The following PCDH11X variants were observed in gnomAD, a reference collection of about 807,000 sequenced individuals.
PCDH11X encodes the protein protocadherin-11 X-linked.
A neutral mutation model predicts 53.3 loss-of-function variants in PCDH11X; 18 were observed. The ratio of observed to expected loss-of-function variants is 0.34; its 90% CI spans 0.23 to 0.50. The LOEUF is 0.50. PCDH11X is among the 20% of genes least tolerant of loss of function. The pLI, the probability that PCDH11X is intolerant of heterozygous loss-of-function variation, is 0.98. For missense variants in PCDH11X, 570 were observed against 1,032.4 expected (o/e 0.55, Z 6.14); for synonymous variants, 279 against 393.3 (o/e 0.71, Z 3.44).
At chrX:91,814,144 G>A (rs972822137) in intron 4 of PCDH11X, among the ~76,000 whole-genome samples, 1 of 109,257 alleles carries the variant, frequency 9.2e-6, no homozygotes, top group Non-Finnish European at 1.9e-5. Flanking sequence ...TATATTGCAC[G>A]TATCCAATTA....
Position 92,618,911 on chromosome X carries a change from T to C in PCDH11X, c.4015T>C (p.Ser1339Pro). 5.0e-6 allele frequency: 6 copies of C among 1,211,878 alleles called. No individual in the cohort carries two copies. The highest frequency in any genetic ancestry group is 6.7e-6 in the Non-Finnish European group (6 of 895,480). The change falls in exon 11 of 11, where the codon TCC (serine) becomes CCC (proline). Residue 1339 changes from serine to proline, a missense_variant. Coordinates refer to ENST00000682573, the MANE Select transcript of PCDH11X (RefSeq NM_032968.5). ...RQQARPSRGDSPIMEEHPL is the reference protein window; with the variant it reads ...RQQARPSRGDPPIMEEHPL ...ACAGGCCAGACCGTCCAGAGGTGAT[T>C]CCCCCATTATGGAAGAACATCCCTT...
At chrX:92,277,043 G>A (rs986521352) in intron 8 of PCDH11X, among the ~76,000 whole-genome samples, 5 of 111,001 alleles carry the variant, frequency 4.5e-5, no homozygotes, top group East Asian at 5.7e-4. Context: ...AGGAGGGGAG[G>A]CGATAAAGAG....
intron 6 of PCDH11X, among the ~76,000 whole-genome samples, chrX:92,053,753 T>A (rs2063400366): frequency 9.1e-6 from 1 of 109,530 alleles, no homozygotes; most frequent in South Asian, 4.0e-4. Context: ...GTATTTTTAG[T>A]AGAGACGGCG....
intron 6 of PCDH11X, among the ~76,000 whole-genome samples, chrX:92,130,554 G>A (rs1425247309): frequency 9.3e-6 from 1 of 107,872 alleles, no homozygotes; most frequent in African/African-American, 3.4e-5. Context: ...GGAGGCTGAG[G>A]CAGGAGAATC....
In PCDH11X at chrX:92,380,296, T is replaced by G. The variant is rs763692368; in HGVS notation, c.3145-7439T>G. Among the ~76,000 whole-genome samples, 230 of 109,205 alleles carry G rather than the reference T, an allele frequency of 2.1e-3. No homozygotes were observed. The Middle Eastern group carries it at 0.028, about 13-fold the overall frequency. 94.8% of individuals were successfully genotyped at this position (109,205 alleles called of 115,157 possible). ...GTGGCCGGAACTTGTGCTTGCTCAC[T>G]CACACACCCCTCTCCTCCCTGCATT... On this transcript the variant is annotated intron_variant, in intron 8 of 10. Transcript: ENST00000682573.
chrX:92,363,502 T>C (rs1424447075), intron 8 of PCDH11X, among the ~76,000 whole-genome samples: 4 of 108,143 alleles, frequency 3.7e-5, no homozygotes, highest in Non-Finnish European at 7.7e-5. Context: ...TGATTTTGTA[T>C]CCTGCAACTC....
At chrX:92,596,079 A>T (rs1405428499) in intron 10 of PCDH11X, among the ~76,000 whole-genome samples, 6 of 112,247 alleles carry the variant, frequency 5.3e-5, no homozygotes, top group Non-Finnish European at 1.1e-4. Flanking sequence ...ACTATACCAA[A>T]GATGGTATAT....
intron 9 of PCDH11X, among the ~76,000 whole-genome samples, chrX:92,412,536 T>TAG (rs1452839238): frequency 1.2e-3 from 106 of 86,690 alleles, no homozygotes; most frequent in African/African-American, 4.2e-3. Context: ...TATATATATA[T>TAG]ATATATATAT....
intron 8 of PCDH11X, among the ~76,000 whole-genome samples, chrX:92,371,008 C>A (rs1394258880): frequency 8.9e-6 from 1 of 111,745 alleles, no homozygotes; most frequent in African/African-American, 3.3e-5. Context: ...CTATTGCTTA[C>A]TATTAGCATA....
intron 6 of PCDH11X, among the ~76,000 whole-genome samples, chrX:92,039,012 A>G (rs2063171392): frequency 9.0e-6 from 1 of 111,682 alleles, no homozygotes; most frequent in African/African-American, 3.3e-5. Flanking sequence ...GACTAATACC[A>G]CTTTCCAGGT....
chrX:92,111,833 T>C (rs2064520422), intron 6 of PCDH11X, among the ~76,000 whole-genome samples: 1 of 109,980 alleles, frequency 9.1e-6, no homozygotes. Context: ...CTCGGCTCAC[T>C]GCAAACTCCA....
intron 7 of PCDH11X, among the ~76,000 whole-genome samples, chrX:92,241,756 A>G (rs778368535): frequency 8.9e-6 from 1 of 111,882 alleles, no homozygotes; most frequent in Non-Finnish European, 1.9e-5. Context: ...TTTTGAACTC[A>G]AAATAGTTTA....
intron 10 of PCDH11X, among the ~76,000 whole-genome samples, chrX:92,533,631 T>C (rs1250028236): frequency 9.5e-6 from 1 of 105,338 alleles, no homozygotes; most frequent in Non-Finnish European, 1.9e-5. Context: ...ATAAGCAAAT[T>C]TTATTATTTG....
At chrX:91,982,198 G>A (rs1039512573) in intron 6 of PCDH11X, among the ~76,000 whole-genome samples, 23 of 109,856 alleles carry the variant, frequency 2.1e-4, no homozygotes, top group Admixed American at 5.8e-4. Flanking sequence ...GAACTGGGCT[G>A]GGAAAAGGTC....
rs773590757 is a variant in PCDH11X at position 91,931,970 on chromosome X, C to T, written c.3033+52697C>T. Among the ~76,000 whole-genome samples the T allele has an allele frequency of 2.5e-3, 283 of 111,058 alleles. 2 individuals carry two copies. Among genetic ancestry groups the T allele is most frequent in the African/African-American group, 9.0e-3 (275 of 30,566 alleles). On this transcript the variant is annotated intron_variant, in intron 6 of 10. Coordinates refer to ENST00000682573, the MANE Select transcript of PCDH11X (RefSeq NM_032968.5). ...GATCCATTAGCTATTCATCCTGATG[C>T]TCTCCCTCACCCCACCCGCCCTCAA...
Position 92,183,718 on chromosome X carries a change from G to A in PCDH11X, c.3034-17657G>A, listed in dbSNP as rs62606333. ...TGCTTCTATTTTCCTTGATCATTCT[G>A]TTCCTGCCACGCTGGCTTCCTCGTT... On this transcript the variant is annotated intron_variant, in intron 6 of 10. Coordinates refer to ENST00000682573, the MANE Select transcript of PCDH11X (RefSeq NM_032968.5). Among the ~76,000 whole-genome samples the A allele has an allele frequency of 7.2e-3, 805 of 112,154 alleles. 4 individuals are homozygous for A. Among genetic ancestry groups the A allele is most frequent in the Non-Finnish European group, 0.01 (555 of 53,269 alleles).
At chrX:92,217,268 A>G (rs2066740858) in intron 7 of PCDH11X, among the ~76,000 whole-genome samples, 1 of 111,210 alleles carries the variant, frequency 9.0e-6, no homozygotes, top group African/African-American at 3.3e-5. Flanking sequence ...AAATTAGATA[A>G]AGAGTCAAGA....
chrX:92,302,022 A>G (rs1340741385), intron 8 of PCDH11X, among the ~76,000 whole-genome samples: 1 of 111,479 alleles, frequency 9.0e-6, no homozygotes, highest in African/African-American at 3.3e-5. Context: ...CTACTGCATT[A>G]CAAGTGAAGG....
chrX:91,895,487 A>G (rs1297955102), intron 6 of PCDH11X, among the ~76,000 whole-genome samples: 1 of 110,608 alleles, frequency 9.0e-6, no homozygotes, highest in Non-Finnish European at 1.9e-5. Flanking sequence ...AGTTTCATCA[A>G]CCTACATATT....
Sources: allele counts gnomAD v4.1 joint callset (sites outside exome capture counted in the v4.1 genomes callset), GRCh38; gene constraint gnomAD v4.1.1; transcripts MANE v1.5; gene names NCBI Gene and HGNC (gene_info 2026-07-23, HGNC 2026-07-21).